MTUS2: variants seen among roughly 807,000 people sequenced by gnomAD.
MTUS2 encodes the protein microtubule-associated tumor suppressor candidate 2.
MTUS2 carries 40 observed loss-of-function variants against 114.1 expected under a neutral mutation model. The ratio of observed to expected loss-of-function variants is 0.35; its 90% CI spans 0.27 to 0.46. MTUS2 has a LOEUF of 0.46. MTUS2 is among the 20% of genes least tolerant of loss of function. The probability of loss-of-function intolerance (pLI) is 1.00; values close to 1 mark genes in which losing one functional copy is unlikely to be tolerated. For synonymous variants in MTUS2, 688 were observed against 672.0 expected, an observed-to-expected ratio of 1.02 and a Z score of -0.37; for missense variants, 1,679 against 1,705.4, an observed-to-expected ratio of 0.98 and a Z score of 0.27.
intron 5 of MTUS2, among the ~76,000 whole-genome samples, chr13:29,207,648 G>A (rs1895245405): frequency 6.6e-6 from 1 of 152,070 alleles, no homozygotes; most frequent in Non-Finnish European, 1.5e-5. Context: ...GGTGGATTTT[G>A]TCAAATGCTT....
intron 1 of MTUS2, among the ~76,000 whole-genome samples, chr13:28,830,668 A>G (rs1874606691): frequency 6.6e-6 from 1 of 152,168 alleles, no homozygotes; most frequent in South Asian, 2.1e-4. Flanking sequence ...GGACACCATT[A>G]TGAATACCAA....
At chr13:28,973,862 A>C (rs966587956) in intron 2 of MTUS2, among the ~76,000 whole-genome samples, 1 of 152,226 alleles carries the variant, frequency 6.6e-6, no homozygotes, top group African/African-American at 2.4e-5. Flanking sequence ...TCAGCCTTAG[A>C]AAACGACTAG....
At chr13:29,055,460 C>G (rs1332245305) in intron 4 of MTUS2, among the ~76,000 whole-genome samples, 1 of 152,100 alleles carries the variant, frequency 6.6e-6, no homozygotes, top group East Asian at 1.9e-4. Flanking sequence ...CAGATTATTT[C>G]ATCACCCAGG....
chr13:29,474,456 A>G (rs563336537), intron 9 of MTUS2, among the ~76,000 whole-genome samples: 1 of 152,360 alleles, frequency 6.6e-6, no homozygotes, highest in South Asian at 2.1e-4. Flanking sequence ...CAGGGATTTA[A>G]TGAAATATAT....
At chr13:29,049,060 A>G (rs1327265771) in intron 4 of MTUS2, among the ~76,000 whole-genome samples, 1 of 152,216 alleles carries the variant, frequency 6.6e-6, no homozygotes, top group Non-Finnish European at 1.5e-5. Flanking sequence ...ACCCGTTAAG[A>G]AAAAGAGTGT....
intron 6 of MTUS2, among the ~76,000 whole-genome samples, chr13:29,284,832 T>C (rs902116048): frequency 2.6e-5 from 4 of 152,182 alleles, no homozygotes; most frequent in African/African-American, 7.2e-5. Context: ...TATTCTCAGC[T>C]CTATCTACTG....
At chr13:29,232,488 A>G (rs1037862371) in intron 5 of MTUS2, among the ~76,000 whole-genome samples, 4 of 152,188 alleles carry the variant, frequency 2.6e-5, no homozygotes, top group Admixed American at 2.6e-4. Context: ...GAGTAAGACC[A>G]GACTCTGGAC....
Position 29,480,272 on chromosome 13 carries a change from C to T in MTUS2, c.3307C>T (p.Arg1103Trp), listed in dbSNP as rs764707896. 4 of 1,554,310 alleles carry T rather than the reference C, an allele frequency of 2.6e-6. No individual in the cohort carries two copies. Among genetic ancestry groups the T allele is most frequent in the African/African-American group, 1.4e-5 (1 of 73,356 alleles). The change falls in exon 10 of 16, where the codon CGG becomes TGG. Residue 1103 changes from arginine (R) to tryptophan (W), a missense_variant. Arg to Trp is a moderately radical substitution (Grantham distance 101). Coordinates refer to ENST00000612955, the MANE Select transcript of MTUS2 (RefSeq NM_001033602.4). This position sits in a 1 kb window ranked among gnomAD's most constrained non-coding sequence, Gnocchi z 4.4. ...QQAELQELEE[R>W]LQLQFEAEMA... ...GGCCGAGCTCCAGGAGCTGGAGGAGCGGCTGCAGCTGCAATTCGAGGCGGA... is the reference window on the plus strand; with the variant it reads ...GGCCGAGCTCCAGGAGCTGGAGGAGTGGCTGCAGCTGCAATTCGAGGCGGA...
chr13:28,878,112 A>T (rs947515656), intron 2 of MTUS2, among the ~76,000 whole-genome samples: 3 of 152,104 alleles, frequency 2.0e-5, no homozygotes, highest in Admixed American at 6.5e-5. Flanking sequence ...GTGTATGAAG[A>T]TCAAACTTTT....
intron 4 of MTUS2, among the ~76,000 whole-genome samples, chr13:29,040,256 A>G (rs9508232): frequency 0.44 from 67,027 of 152,042 alleles, 15,118 homozygotes; most frequent in Admixed American, 0.5. Context: ...GCTTAGAATA[A>G]TGGTCTCCAA....
chr13:28,884,607 A>G (rs1335958443), intron 2 of MTUS2, among the ~76,000 whole-genome samples: 1 of 152,206 alleles, frequency 6.6e-6, no homozygotes, highest in Non-Finnish European at 1.5e-5. Flanking sequence ...ACACACATAT[A>G]CACACTTGGG....
At chr13:29,500,300 A>C (rs1882801994) in intron 14 of MTUS2, among the ~76,000 whole-genome samples, 1 of 152,242 alleles carries the variant, frequency 6.6e-6, no homozygotes, top group South Asian at 2.1e-4. Context: ...AGGATTCCTA[A>C]GTCCTGTTCA....
intron 2 of MTUS2, among the ~76,000 whole-genome samples, chr13:28,991,026 G>A (rs79009262): frequency 0.017 from 2,635 of 150,936 alleles, 79 homozygotes; most frequent in African/African-American, 0.06. Flanking sequence ...AATAAATTCC[G>A]GACACAAGAG....
intron 6 of MTUS2, among the ~76,000 whole-genome samples, chr13:29,286,530 T>G (rs987569456): frequency 2.0e-5 from 3 of 152,196 alleles, no homozygotes; most frequent in African/African-American, 7.2e-5. Flanking sequence ...TGAAGTTAAA[T>G]GGAAATAAGG....
chr13:29,254,630 G>A (rs1288233891), intron 5 of MTUS2, among the ~76,000 whole-genome samples: 1 of 152,228 alleles, frequency 6.6e-6, no homozygotes, highest in Non-Finnish European at 1.5e-5. Flanking sequence ...TACCATTAAC[G>A]AAGAATTTTT....
At chr13:29,237,743 AG>A (rs1896586259) in intron 5 of MTUS2, among the ~76,000 whole-genome samples, 1 of 152,216 alleles carries the variant, frequency 6.6e-6, no homozygotes, top group Non-Finnish European at 1.5e-5. Flanking sequence ...GCTAAAATAT[AG>A]GCAAATGACC....
chr13:29,205,524 C>A (rs780346875), intron 5 of MTUS2, among the ~76,000 whole-genome samples: 2 of 152,212 alleles, frequency 1.3e-5, no homozygotes, highest in Non-Finnish European at 2.9e-5. Context: ...GCAGTGTACA[C>A]TGCACCCAGT....
intron 4 of MTUS2, among the ~76,000 whole-genome samples, chr13:29,085,886 T>C (rs1162227439): frequency 6.6e-6 from 1 of 152,200 alleles, no homozygotes; most frequent in African/African-American, 2.4e-5. Context: ...CCAAACTAAT[T>C]TACATTCCCA....
intron 2 of MTUS2, among the ~76,000 whole-genome samples, chr13:28,856,875 C>G (rs1876662514): frequency 6.6e-6 from 1 of 152,212 alleles, no homozygotes; most frequent in Non-Finnish European, 1.5e-5. Context: ...ACAACCTCTC[C>G]CACAAGAAAC....
Sources: allele counts gnomAD v4.1 joint callset (sites outside exome capture counted in the v4.1 genomes callset), GRCh38; gene constraint gnomAD v4.1.1; non-coding constraint Gnocchi (gnomAD v3.1); transcripts MANE v1.5; gene names NCBI Gene and HGNC (gene_info 2026-07-23, HGNC 2026-07-21).